The following PAPLN variants were observed in gnomAD, a reference collection of about 807,000 sequenced individuals.
PAPLN encodes papilin, proteoglycan like sulfated glycoprotein, also known as papilin.
PAPLN carries 146 observed loss-of-function variants against 159.0 expected under a neutral mutation model. The ratio of observed to expected loss-of-function variants is 0.92; its 90% CI spans 0.80 to 1.05. The LOEUF (loss-of-function observed/expected upper bound fraction) is 1.05. Ranked by LOEUF, PAPLN falls within the 50% of genes least tolerant of loss-of-function variation. PAPLN has a pLI of 0.00. For missense variants in PAPLN, 1,720 were observed against 1,743.9 expected (o/e 0.99, Z 0.24); for synonymous variants, 734 against 702.9 (o/e 1.04, Z -0.70).
rs1886558839 is a variant in PAPLN, at chr14:73,261,313, T to C, written c.2245+19T>C. The C allele has an allele frequency of 1.2e-6, 2 of 1,610,538 alleles. No homozygotes were observed. Among genetic ancestry groups the C allele is most frequent in the African/African-American group, 2.7e-5 (2 of 74,774 alleles). On this transcript the variant is annotated intron_variant, in intron 18 of 26. Transcript: ENST00000644200. ...AGCCATGGTGAGTGGACACCCCCTC[T>C]CCTCCTTCTCGATGGGTAGACTCTG...
Position 73,262,380 on chromosome 14 carries a change from C to T in PAPLN, c.2276C>T (p.Ala759Val), listed in dbSNP as rs1404553208. The T allele has an allele frequency of 3.1e-6, 5 of 1,613,700 alleles. No individual in the cohort carries two copies. The South Asian group carries it at 4.4e-5, about 14-fold the overall frequency. ...AYPVRCLLPS[A>V]HGSCADWAAR... ...CCCGTGCGGTGCCTGCTGCCCAGTG[C>T]CCATGGCTCTTGCGCAGACTGGGCT... The change falls in exon 19 of 27, where the codon GCC (alanine) becomes GTC (valine). Residue 759 changes from alanine to valine, a missense_variant. Transcript: ENST00000644200.
intron 3 of PAPLN, 92 bp downstream of exon 3, chr14:73,244,851 G>T: frequency 3.0e-6 from 3 of 986,060 alleles, no homozygotes; most frequent in Non-Finnish European, 4.4e-6. Flanking sequence ...GCCTAGGCTA[G>T]CACTGGCCAC....
rs1479510881 is a variant in PAPLN at position 73,250,117 on chromosome 14, G to A, written c.465+3G>A. On this transcript the variant is annotated splice_donor_region_variant and intron_variant, in intron 6 of 26. Transcript: ENST00000644200. Reference sequence around the variant, plus strand: ...TCTGTGTGGATGGCAGCTGCCGGGTGAGTGGTGCCCCAGCCCCTCCCTGCC... The same window carrying A: ...TCTGTGTGGATGGCAGCTGCCGGGTAAGTGGTGCCCCAGCCCCTCCCTGCC... 6.2e-7 allele frequency: 1 copy of A among 1,604,608 alleles called. No individual in the cohort carries two copies. The highest frequency in any genetic ancestry group is 8.5e-7 in the Non-Finnish European group (1 of 1,175,830).
upstream of PAPLN, among the ~76,000 whole-genome samples, chr14:73,236,745 G>A (rs1294693927): frequency 1.3e-5 from 2 of 151,778 alleles, no homozygotes; most frequent in Admixed American, 6.6e-5. Context: ...GAACCCAGGA[G>A]GCGGAGGTTG....
At chr14:73,246,778 GGAAT>G (rs1392802735) in intron 5 of PAPLN, 1 of 151,316 alleles carries the variant, frequency 6.6e-6, no homozygotes, top group Non-Finnish European at 1.5e-5. Flanking sequence ...AAGTAAATAT[GGAAT>G]GCTTCATGAA....
In PAPLN at chr14:73,262,617, C is replaced by A; in HGVS notation, c.2513C>A (p.Pro838His). 1.3e-6 allele frequency: 2 copies of A among 1,546,458 alleles called. No homozygotes were observed. Among genetic ancestry groups the A allele is most frequent in the East Asian group, 2.4e-5 (1 of 42,128 alleles). ...AGCAGTCCTGCAGGCGAGCAGGAACCCAGCCAGCACAGGACAGGGGCCGCG... is the reference window on the plus strand; with the variant it reads ...AGCAGTCCTGCAGGCGAGCAGGAACACAGCCAGCACAGGACAGGGGCCGCG... ...GGSSPAGEQE[P>H]SQHRTGAAVQ... The change falls in exon 19 of 27, where the codon CCC (proline) becomes CAC (histidine). Residue 838 changes from proline to histidine, a missense_variant. Coordinates refer to ENST00000644200, the MANE Select transcript of PAPLN (RefSeq NM_001365906.3).
chr14:73,258,256 G>T (rs1035204216), intron 14 of PAPLN, among the ~76,000 whole-genome samples: 1 of 152,124 alleles, frequency 6.6e-6, no homozygotes, highest in African/African-American at 2.4e-5. Context: ...TTGTGGTTTT[G>T]ATTTGCATTT....
chr14:73,239,676 T>C lies in PAPLN; in HGVS notation c.-6-97T>C. 2.0e-6 allele frequency: 3 copies of C among 1,511,332 alleles called. No individual in the cohort carries two copies. In the South Asian group the frequency reaches 3.7e-5, roughly 19 times the overall value. 93.6% of individuals were successfully genotyped at this position (1,511,332 alleles called of 1,614,324 possible). On this transcript the variant is annotated intron_variant, in intron 1 of 26. Transcript: ENST00000644200. The stretch of plus-strand genomic sequence containing the variant: ...TCCTGTTGCGGGTCTCCTGGTCACC[T>C]GTGGGCCATAGGGAGAGACGCGCCC...
chr14:73,267,891 T>C (rs966079808), intron 25 of PAPLN, among the ~76,000 whole-genome samples: 1 of 152,144 alleles, frequency 6.6e-6, no homozygotes, highest in African/African-American at 2.4e-5. Context: ...TATGCTGACA[T>C]AGTGTCCCCT....
intron 13 of PAPLN, 66 bp from the exon 14 acceptor site, chr14:73,254,811 T>C (rs1427267705): frequency 3.8e-5 from 60 of 1,598,744 alleles, no homozygotes; most frequent in Non-Finnish European, 4.9e-5. Context: ...CCTGCCTCTC[T>C]CCATGTGGGT....
chr14:73,266,546 T>G lies in PAPLN; in HGVS notation c.3309T>G (p.Ala1103=), dbSNP rs1490242097. ...PDGSLVISRV[A]VEDGGFYTCV... is the part of the protein sequence containing the mutation. ...GCTCCCTGGTCATTAGCCGAGTGGC[T>G]GTAGAAGATGGCGGCTTCTACACCT... The change falls in exon 24 of 27, where the codon GCT becomes GCG. Residue 1103 remains alanine, a synonymous_variant. Coordinates refer to ENST00000644200, the MANE Select transcript of PAPLN (RefSeq NM_001365906.3). 6.2e-7 allele frequency: 1 copy of G among 1,614,146 alleles called. No homozygotes were observed.
chr14:73,264,607 G>C lies in PAPLN; in HGVS notation c.3006G>C (p.Leu1002=). The change falls in exon 22 of 27, where the codon CTG becomes CTC. Residue 1002 remains leucine, a synonymous_variant. Coordinates refer to ENST00000644200, the MANE Select transcript of PAPLN (RefSeq NM_001365906.3). ...LRIIGGDMAV[L]SEAELSRFPQ... ...TGACAGGGGGTGACATGGCCGTGCT[G>C]TCTGAGGCTGAGCTGAGCCGCTTCC... 1 of 1,602,834 alleles carries C rather than the reference G, an allele frequency of 6.2e-7. No individual in the cohort carries two copies. Among genetic ancestry groups the C allele is most frequent in the East Asian group, 2.2e-5 (1 of 44,824 alleles).
chr14:73,249,240 A>G (rs1274293841), intron 5 of PAPLN, among the ~76,000 whole-genome samples: 2 of 152,220 alleles, frequency 1.3e-5, no homozygotes, highest in African/African-American at 4.8e-5. Context: ...ATATGCTTAC[A>G]TATTTGTAAT....
Position 73,246,129 on chromosome 14 carries a change from A to C in PAPLN, c.288A>C (p.Gly96=), listed in dbSNP as rs1273094942. ...CCGAGCAGTGCGCGGAGTTCGACGGAGCGGAGTTCCAGGGGCGGCGGTATC... is the reference window on the plus strand; with the variant it reads ...CCGAGCAGTGCGCGGAGTTCGACGGCGCGGAGTTCCAGGGGCGGCGGTATC... ...FRAEQCAEFD[G]AEFQGRRYRW... Residue 96 remains glycine (G), a synonymous_variant, in exon 5 of 27, where the codon GGA becomes GGC. Coordinates refer to ENST00000644200, the MANE Select transcript of PAPLN (RefSeq NM_001365906.3). 3.1e-6 allele frequency: 5 copies of C among 1,591,674 alleles called. No homozygotes were observed. The Admixed American group carries it at 5.2e-5, about 17-fold the overall frequency.
rs746818681 is a variant in PAPLN at position 73,253,793 on chromosome 14, T to G, written c.1134T>G (p.Cys378Trp). ...AGPWAPCSAS[C>W]GGGSQSRSVY... ...CATGGGCACCCTGCTCAGCCTCCTG[T>G]GGAGGAGGCTCCCAGTCCCGCTCCG... Residue 378 changes from cysteine (C) to tryptophan (W), a missense_variant, in exon 12 of 27, where the codon TGT (cysteine) becomes TGG (tryptophan). Coordinates refer to ENST00000644200, the MANE Select transcript of PAPLN (RefSeq NM_001365906.3). 6.2e-7 allele frequency: 1 copy of G among 1,609,764 alleles called. No individual in the cohort carries two copies. Among genetic ancestry groups the G allele is most frequent in the Non-Finnish European group, 8.5e-7 (1 of 1,177,020 alleles).
chr14:73,266,832 G>A lies in PAPLN; in HGVS notation c.3500+1G>A. 6.2e-7 allele frequency: 1 copy of A among 1,608,004 alleles called. No individual in the cohort carries two copies. The highest frequency in any genetic ancestry group is 1.1e-5 in the South Asian group (1 of 89,970). On this transcript the variant is annotated splice_donor_variant, in intron 25 of 26. Transcript: ENST00000644200. LOFTEE classifies it high-confidence loss of function. ...AAAGTGTGAACATCAGGTGGTCCAG[G>A]TAAAGGCTCTATTCCAAGTTGTCCC...
chr14:73,265,476 CAG>C lies in PAPLN; in HGVS notation c.3238_3239del (p.Asp1080TrpfsTer14), dbSNP rs1249158174. The C allele has an allele frequency of 2.5e-6, 4 of 1,613,814 alleles. No individual in the cohort carries two copies. The highest frequency in any genetic ancestry group is 2.2e-5 in the East Asian group (1 of 44,904). ...EGFPPPAIEW[Q>X]RDGQPVSSPR... ...CTTCCCGCCCCCAGCCATCGAGTGG[CAG>C]AGAGATGGGCAGCCTGTCTCTTCTC... On this transcript the variant is annotated frameshift_variant, in exon 23 of 27. Coordinates refer to ENST00000644200, the MANE Select transcript of PAPLN (RefSeq NM_001365906.3). LOFTEE classifies it high-confidence loss of function. This position sits in a 1 kb window ranked among gnomAD's most constrained non-coding sequence, Gnocchi z 4.1.
chr14:73,249,956 C>T, intron 5 of PAPLN, 28 bp from the exon 6 acceptor site: 11 of 1,577,082 alleles, frequency 7.0e-6, no homozygotes, highest in Non-Finnish European at 9.5e-6. Context: ...ACCTCAGGAT[C>T]TCAGTCTTGC....
At chr14:73,255,079 C>A in intron 14 of PAPLN, 61 bp downstream of exon 14, 1 of 1,554,624 alleles carries the variant, frequency 6.4e-7, no homozygotes, top group Non-Finnish European at 8.7e-7. Flanking sequence ...CGCTACAAAC[C>A]CAGCAAGCAT....
Sources: allele counts gnomAD v4.1 joint callset (sites outside exome capture counted in the v4.1 genomes callset), GRCh38; gene constraint gnomAD v4.1.1; non-coding constraint Gnocchi (gnomAD v3.1); transcripts MANE v1.5; gene names NCBI Gene and HGNC (gene_info 2026-07-23, HGNC 2026-07-21).